The following HMOX2 variants were observed in gnomAD, a reference collection of about 807,000 sequenced individuals.
The protein encoded by HMOX2 is heme oxygenase 2.
Under a neutral mutation model 33.7 loss-of-function variants are expected in HMOX2, and 30 were observed. The observed-to-expected ratio is 0.89, with a 90% CI of 0.67 to 1.21. HMOX2 has a LOEUF of 1.21. Ranked by LOEUF, HMOX2 falls within the 50% of genes most tolerant of loss-of-function variation. HMOX2 has a pLI of 0.00. For synonymous variants in HMOX2, 155 were observed against 155.0 expected, an observed-to-expected ratio of 1.00 and a Z score of 0.00; for missense variants, 403 against 399.1, an observed-to-expected ratio of 1.01 and a Z score of -0.08.
chr16:4,482,598 A>C (rs1010233691), intron 1 of HMOX2, among the ~76,000 whole-genome samples: 2 of 152,188 alleles, frequency 1.3e-5, no homozygotes, highest in Admixed American at 1.3e-4. Context: ...ATTGTCACCT[A>C]TACTTCTGAC....
At chr16:4,508,480 C>T (rs1376529286) in intron 4 of HMOX2, among the ~76,000 whole-genome samples, 1 of 152,166 alleles carries the variant, frequency 6.6e-6, no homozygotes, top group Non-Finnish European at 1.5e-5. Context: ...AGCTGGCTTC[C>T]TCCCTCATTG....
chr16:4,483,063 G>C (rs1016744889), intron 1 of HMOX2, among the ~76,000 whole-genome samples: 47 of 152,010 alleles, frequency 3.1e-4, no homozygotes, highest in Admixed American at 2.4e-3. Flanking sequence ...AGATGGAAGA[G>C]ATGTATAGGG....
rs901093070 is a variant in HMOX2, at chr16:4,508,183, G to C, written c.675G>C (p.Lys225Asn). ...TKERIVEEAN[K>N]AFEYNMQIFN... Reference sequence around the variant, plus strand: ...AGAGGATCGTGGAGGAGGCCAACAAGGCTTTTGAGTATAACATGCAGGTAC... The same window carrying C: ...AGAGGATCGTGGAGGAGGCCAACAACGCTTTTGAGTATAACATGCAGGTAC... The change falls in exon 4 of 6, where the codon AAG (lysine) becomes AAC (asparagine). Residue 225 changes from lysine to asparagine, a missense_variant. Physicochemically the swap from Lys to Asn is moderately conservative, Grantham distance 94. Transcript: ENST00000570646. 4.3e-6 allele frequency: 7 copies of C among 1,610,854 alleles called. No homozygotes were observed. The highest frequency in any genetic ancestry group is 2.7e-5 in the African/African-American group (2 of 74,804).
Position 4,502,514 on chromosome 16 carries a change from T to G in HMOX2, c.-41-2970T>G, listed in dbSNP as rs191279645. Among the ~76,000 whole-genome samples, 268 of 152,068 alleles carry G rather than the reference T, an allele frequency of 1.8e-3. 4 individuals are homozygous for G. The highest frequency in any genetic ancestry group is 6.3e-3 in the African/African-American group (260 of 41,522). ...ACCTGGACCCTCAGCCTGGTGTGTG[T>G]GTGCCCTCAGCCTGGTCCTTTACTT... is the stretch of plus-strand genomic sequence containing the variant. On this transcript the variant is annotated intron_variant, in intron 1 of 5. Transcript: ENST00000570646.
intron 1 of HMOX2, among the ~76,000 whole-genome samples, chr16:4,487,659 G>A (rs191976135): frequency 2.9e-4 from 44 of 152,224 alleles, no homozygotes; most frequent in Non-Finnish European, 4.7e-4. Context: ...AATTAGCTGG[G>A]CGTGGTGGCT....
intron 1 of HMOX2, among the ~76,000 whole-genome samples, chr16:4,489,370 T>C (rs1213866824): frequency 6.6e-6 from 1 of 152,166 alleles, no homozygotes; most frequent in Non-Finnish European, 1.5e-5. Context: ...CCTTTTGCAG[T>C]GGCACAGTCA....
chr16:4,504,212 C>T (rs1745957420), intron 1 of HMOX2, among the ~76,000 whole-genome samples: 1 of 152,134 alleles, frequency 6.6e-6, no homozygotes, highest in Non-Finnish European at 1.5e-5. Context: ...TGTAGGCTGC[C>T]TTCTGCACAA....
intron 1 of HMOX2, among the ~76,000 whole-genome samples, chr16:4,487,227 C>A (rs1462776058): frequency 6.6e-6 from 1 of 151,848 alleles, no homozygotes; most frequent in African/African-American, 2.4e-5. Flanking sequence ...CAGTGCACTT[C>A]AGCTTGAGCA....
In HMOX2 at chr16:4,504,010, G is replaced by A. The variant is rs147557098; in HGVS notation, c.-41-1474G>A. ...GTGGAAGATTCCCCAAATGGGCTGC[G>A]CCTTACATTGCCTGAGCAGAAGCCC... On this transcript the variant is annotated intron_variant, in intron 1 of 5. Coordinates refer to ENST00000570646, the MANE Select transcript of HMOX2 (RefSeq NM_002134.4). Among the ~76,000 whole-genome samples the A allele has an allele frequency of 1.9e-3, 292 of 152,344 alleles. 4 individuals carry two copies. Among genetic ancestry groups the A allele is most frequent in the African/African-American group, 6.3e-3 (263 of 41,588 alleles).
chr16:4,483,399 A>T (rs1454409612), intron 1 of HMOX2, among the ~76,000 whole-genome samples: 1 of 146,790 alleles, frequency 6.8e-6, no homozygotes, highest in Non-Finnish European at 1.5e-5. Context: ...GGAGCCCACC[A>T]AGAGTTACTT....
At chr16:4,495,695 G>C (rs1277794843) in intron 1 of HMOX2, 1 of 152,162 alleles carries the variant, frequency 6.6e-6, no homozygotes, top group East Asian at 1.9e-4. Context: ...ATATATTTCA[G>C]TAGGCAGAAA....
chr16:4,507,048 G>T, intron 3 of HMOX2, 36 bp downstream of exon 3: 1 of 1,374,162 alleles, frequency 7.3e-7, no homozygotes, highest in African/African-American at 1.4e-5. Context: ...ACTGTCATAT[G>T]GGGTTGGGGT....
At chr16:4,501,629 C>CTTTT in intron 1 of HMOX2, among the ~76,000 whole-genome samples, 1 of 152,150 alleles carries the variant, frequency 6.6e-6, no homozygotes, top group African/African-American at 2.4e-5. Context: ...ACATTGAAGT[C>CTTTT]TAAAAAGGTT....
chr16:4,488,216 T>C (rs140116168), intron 1 of HMOX2, among the ~76,000 whole-genome samples: 17 of 152,278 alleles, frequency 1.1e-4, no homozygotes, highest in African/African-American at 3.4e-4. Flanking sequence ...TTTTCCATTA[T>C]GTCTGCTTTT....
intron 1 of HMOX2, among the ~76,000 whole-genome samples, chr16:4,492,503 A>C (rs2058328481): frequency 6.7e-6 from 1 of 149,514 alleles, no homozygotes; most frequent in South Asian, 2.1e-4. Flanking sequence ...GCAGATCACG[A>C]GGTCAAGAGA....
At chr16:4,489,151 A>G (rs1023998821) in intron 1 of HMOX2, among the ~76,000 whole-genome samples, 1 of 152,206 alleles carries the variant, frequency 6.6e-6, no homozygotes, top group African/African-American at 2.4e-5. Flanking sequence ...CTTAGTAGTC[A>G]TATCTGTGGA....
chr16:4,496,476 C>T (rs534614387), intron 1 of HMOX2: 1 of 152,324 alleles, frequency 6.6e-6, no homozygotes, highest in East Asian at 1.9e-4. Flanking sequence ...AGTTTAACCT[C>T]TCTACTGCAT....
intron 1 of HMOX2, among the ~76,000 whole-genome samples, chr16:4,493,490 A>T (rs2058350186): frequency 6.6e-6 from 1 of 152,222 alleles, no homozygotes; most frequent in Admixed American, 6.5e-5. Flanking sequence ...TCCTTTACAG[A>T]TGAAGAAAGA....
upstream of HMOX2, among the ~76,000 whole-genome samples, chr16:4,475,656 A>C (rs2057801094): frequency 6.6e-6 from 1 of 150,974 alleles, no homozygotes; most frequent in Non-Finnish European, 1.5e-5. Context: ...CTAAAAAATG[A>C]CTCTGGGCTG....
Sources: gnomAD v4.1 joint callset for allele counts (sites outside exome capture counted in the v4.1 genomes callset) on GRCh38, gnomAD v4.1.1 for gene constraint, MANE v1.5 for transcripts, NCBI Gene and HGNC (gene_info 2026-07-23, HGNC 2026-07-21) for gene names.